The following DLGAP2 variants were observed in gnomAD, a reference collection of about 807,000 sequenced individuals.
DLGAP2 encodes DLG associated protein 2.
A neutral mutation model predicts 100.3 loss-of-function variants in DLGAP2; 26 were observed. The ratio of observed to expected loss-of-function variants is 0.26; its 90% CI spans 0.19 to 0.36. The LOEUF (loss-of-function observed/expected upper bound fraction) is 0.36, where lower values mean the gene tolerates loss of function less well. DLGAP2 is among the 10% of genes least tolerant of loss of function. The pLI, the probability that DLGAP2 is intolerant of heterozygous loss-of-function variation, is 1.00. For missense variants in DLGAP2, 1,858 were observed against 1,453.2 expected (o/e 1.28, Z -4.53); for synonymous variants, 886 against 630.1 (o/e 1.41, Z -6.08).
chr8:792,596 C>G (rs1384099744), intron 1 of DLGAP2, among the ~76,000 whole-genome samples: 1 of 152,098 alleles, frequency 6.6e-6, no homozygotes, highest in Non-Finnish European at 1.5e-5. Flanking sequence ...AAGGTTCATT[C>G]GCTCAGAAAA....
chr8:879,283 G>T (rs564074753), intron 1 of DLGAP2, among the ~76,000 whole-genome samples: 25 of 152,304 alleles, frequency 1.6e-4, no homozygotes, highest in African/African-American at 5.5e-4. Context: ...GCAATAATTT[G>T]TGAAGACCAT....
chr8:865,144 C>T (rs1024921796), intron 1 of DLGAP2, among the ~76,000 whole-genome samples: 5 of 152,352 alleles, frequency 3.3e-5, no homozygotes, highest in African/African-American at 1.2e-4. Flanking sequence ...CAGATCTCCA[C>T]AGGCTCACCT....
intron 1 of DLGAP2, among the ~76,000 whole-genome samples, chr8:743,950 C>T (rs1007859593): frequency 1.3e-5 from 2 of 152,258 alleles, no homozygotes; most frequent in East Asian, 1.9e-4. Context: ...GGGCTGAAGA[C>T]GTGGATTCAC....
At chr8:1,407,365 G>A (rs1204398308) in intron 3 of DLGAP2, among the ~76,000 whole-genome samples, 50 of 85,844 alleles carry the variant, frequency 5.8e-4, no homozygotes, top group African/African-American at 2.4e-3. Context: ...CTTACTGAGC[G>A]CTCCCTCCTT....
chr8:1,270,915 C>G (rs1392855921), intron 3 of DLGAP2, among the ~76,000 whole-genome samples: 1 of 152,108 alleles, frequency 6.6e-6, no homozygotes, highest in Non-Finnish European at 1.5e-5. Context: ...GTTTCCACGA[C>G]TGTATACACC....
intron 1 of DLGAP2, among the ~76,000 whole-genome samples, chr8:767,556 C>T (rs1392628937): frequency 1.3e-5 from 2 of 151,998 alleles, no homozygotes; most frequent in Non-Finnish European, 2.9e-5. Flanking sequence ...GGGGTTTCAC[C>T]ATGTTGGCCA....
chr8:1,565,037 C>T (rs116470113), intron 5 of DLGAP2, among the ~76,000 whole-genome samples: 1,625 of 151,646 alleles, frequency 0.011, 25 homozygotes, highest in African/African-American at 0.029. Context: ...ACGTATAACA[C>T]GCACAGGTGA....
intron 2 of DLGAP2, among the ~76,000 whole-genome samples, chr8:916,754 A>G (rs1299570275): frequency 6.6e-6 from 1 of 152,246 alleles, no homozygotes; most frequent in Admixed American, 6.5e-5. Context: ...ACTTGTTGTG[A>G]TTTCAAGGCA....
At chr8:1,213,472 C>G (rs1190200659) in intron 2 of DLGAP2, among the ~76,000 whole-genome samples, 1 of 152,136 alleles carries the variant, frequency 6.6e-6, no homozygotes, top group Non-Finnish European at 1.5e-5. Context: ...AGAGTACTCA[C>G]CATATTGCTC....
chr8:1,070,399 G>A (rs1803391236), intron 2 of DLGAP2, among the ~76,000 whole-genome samples: 2 of 152,154 alleles, frequency 1.3e-5, no homozygotes, highest in African/African-American at 4.8e-5. Flanking sequence ...GGTTCCTGAG[G>A]GAGGTGTGTG....
At chr8:1,134,450 C>T (rs890881537) in intron 2 of DLGAP2, among the ~76,000 whole-genome samples, 2 of 152,188 alleles carry the variant, frequency 1.3e-5, no homozygotes, top group African/African-American at 2.4e-5. Context: ...CTCCCACCAA[C>T]AGTGTATAAG....
At position 1,180,008 on chromosome 8, in the gene DLGAP2, TAAAGTG is replaced by T. The variant is rs750063459; in HGVS notation, c.74-78840_74-78835del. Among the ~76,000 whole-genome samples, 5 of 152,360 alleles carry T rather than the reference TAAAGTG, an allele frequency of 3.3e-5. No homozygotes were observed. In the South Asian group the frequency reaches 1.0e-3, roughly 32 times the overall value. ...TACTTGGTGTTTTATACTAGCCAGT[TAAAGTG>T]AACACATAATTTTTTTATTTGAATG... On this transcript the variant is annotated intron_variant, in intron 2 of 14. Coordinates refer to ENST00000637795, the MANE Select transcript of DLGAP2 (RefSeq NM_001346810.2).
intron 3 of DLGAP2, among the ~76,000 whole-genome samples, chr8:1,361,071 G>A (rs1416815940): frequency 3.3e-5 from 5 of 152,206 alleles, no homozygotes; most frequent in Admixed American, 2.0e-4. Flanking sequence ...GTGGGCAGTG[G>A]CCGGGACCAG....
chr8:1,491,091 A>C (rs1353512801), intron 3 of DLGAP2, among the ~76,000 whole-genome samples: 1 of 145,812 alleles, frequency 6.9e-6, no homozygotes, highest in Non-Finnish European at 1.5e-5. Flanking sequence ...AAAAAAAAAA[A>C]ACCCAAAAAT....
chr8:1,141,093 C>T (rs1309105965), intron 2 of DLGAP2, among the ~76,000 whole-genome samples: 1 of 152,084 alleles, frequency 6.6e-6, no homozygotes, highest in African/African-American at 2.4e-5. Flanking sequence ...CTGCTGTGTC[C>T]TGTGGACAGT....
intron 12 of DLGAP2, chr8:1,678,855 G>A (rs1798875905): frequency 8.4e-6 from 4 of 477,444 alleles, no homozygotes; most frequent in Non-Finnish European, 7.0e-6. Context: ...GTTTTGTCAG[G>A]TAAGTTGAAT....
In DLGAP2 at chr8:1,541,152, G is replaced by T. The variant is rs547488087; in HGVS notation, c.173-7474G>T. On this transcript the variant is annotated intron_variant, in intron 4 of 14. Coordinates refer to ENST00000637795, the MANE Select transcript of DLGAP2 (RefSeq NM_001346810.2). ...GATGTAAACTTTGCCAACTAACCTA[G>T]GGGAGAGCTTCACCCAAATTCTTAC... is the stretch of plus-strand genomic sequence containing the variant. 1.7e-4 allele frequency among the ~76,000 whole-genome samples: 26 copies of T among 152,304 alleles called. No homozygotes were observed. The South Asian group carries it at 5.4e-3, about 32-fold the overall frequency.
At chr8:876,374 A>T (rs1050982358) in intron 1 of DLGAP2, among the ~76,000 whole-genome samples, 1 of 152,090 alleles carries the variant, frequency 6.6e-6, no homozygotes, top group African/African-American at 2.4e-5. Context: ...TTTTGTCTTC[A>T]TTTTTGAAGA....
chr8:844,649 T>C (rs1797041716), intron 1 of DLGAP2, among the ~76,000 whole-genome samples: 1 of 152,250 alleles, frequency 6.6e-6, no homozygotes, highest in Admixed American at 6.5e-5. Flanking sequence ...CCAAACCACA[T>C]GGATTAGTTT....
Sources: gnomAD v4.1 joint callset for allele counts (sites outside exome capture counted in the v4.1 genomes callset) on GRCh38, gnomAD v4.1.1 for gene constraint, MANE v1.5 for transcripts, NCBI Gene and HGNC (gene_info 2026-07-23, HGNC 2026-07-21) for gene names.